The following ZNF207 variants were observed in gnomAD, a reference collection of about 807,000 sequenced individuals.
The protein encoded by ZNF207 is zinc finger protein 207.
ZNF207 carries 24 observed loss-of-function variants against 60.2 expected under a neutral mutation model. That is an observed-to-expected ratio of 0.40 (90% confidence interval 0.29 to 0.56). The LOEUF is 0.56. Among genes scored for constraint, ZNF207 ranks in the 20% least tolerant of loss-of-function variants. ZNF207 has a pLI of 0.49. For synonymous variants in ZNF207, 236 were observed against 194.7 expected (o/e 1.21, Z -1.77); for missense variants, 452 against 636.6 (o/e 0.71, Z 3.12).
chr17:32,350,160 G>T lies in ZNF207; in HGVS notation c.-126G>T, dbSNP rs781475687. The T allele has an allele frequency of 6.7e-7, 1 of 1,489,808 alleles. No individual in the cohort carries two copies. The allele number at this position is 1,489,808 out of a possible 1,614,324, so 92.3% of individuals were successfully genotyped here. On this transcript the variant is annotated 5_prime_UTR_variant, in exon 1 of 12. Transcript: ENST00000394670. Reference sequence around the variant, plus strand: ...AGGCGGAGCGGGGAACGAGGCCGTCGGCCATTTTGTGTCTGCTTCCTGTGG... The same window carrying T: ...AGGCGGAGCGGGGAACGAGGCCGTCTGCCATTTTGTGTCTGCTTCCTGTGG...
intron 10 of ZNF207, chr17:32,368,803 C>G (rs1447702037): frequency 2.0e-5 from 3 of 153,536 alleles, no homozygotes; most frequent in African/African-American, 7.3e-5. Flanking sequence ...GTCGGGAGTT[C>G]GAGACCAGCC....
At chr17:32,369,514 T>C (rs1905368758) in intron 11 of ZNF207, 60 bp downstream of exon 11, 2 of 1,602,980 alleles carry the variant, frequency 1.2e-6, no homozygotes, top group Admixed American at 1.7e-5. Context: ...GCATAAAATA[T>C]TAAATTTATC....
At chr17:32,369,270 G>C (rs1273759064) in intron 10 of ZNF207, 25 bp from the exon 11 acceptor site, 1 of 1,611,430 alleles carries the variant, frequency 6.2e-7, no homozygotes. Flanking sequence ...CGAGTATTTA[G>C]CCCTGCGCTT....
intron 2 of ZNF207, among the ~76,000 whole-genome samples, chr17:32,354,721 C>T (rs540405836): frequency 9.2e-5 from 14 of 152,206 alleles, no homozygotes; most frequent in Middle Eastern, 6.8e-3. Context: ...TCAAGCAATT[C>T]TCCTGCCTCA....
intron 7 of ZNF207, among the ~76,000 whole-genome samples, chr17:32,364,121 C>T (rs564215340): frequency 6.6e-6 from 1 of 151,972 alleles, no homozygotes; most frequent in Non-Finnish European, 1.5e-5. Flanking sequence ...CAGCCGCAGC[C>T]TCCCAAAGTG....
In ZNF207 at chr17:32,369,292, C is replaced by G; in HGVS notation, c.1165-3C>G. ...TTAGCCCTGCGCTTATTTTTATTCC[C>G]AGGAAGAGAGAAGGGCACAGTTACC... is the stretch of plus-strand genomic sequence containing the variant. On this transcript the variant is annotated splice_region_variant and splice_polypyrimidine_tract_variant and intron_variant, in intron 10 of 11. Transcript: ENST00000394670. 1.2e-6 allele frequency: 2 copies of G among 1,613,522 alleles called. No homozygotes were observed. The highest frequency in any genetic ancestry group is 1.7e-6 in the Non-Finnish European group (2 of 1,179,734).
At chr17:32,368,347 A>C in intron 10 of ZNF207, 1 of 267,636 alleles carries the variant, frequency 3.7e-6, no homozygotes, top group East Asian at 8.8e-5. Flanking sequence ...GTGAAGTAGA[A>C]TCTGCAGATC....
intron 6 of ZNF207, chr17:32,362,619 T>G: frequency 4.1e-6 from 1 of 244,832 alleles, no homozygotes; most frequent in Non-Finnish European, 7.7e-6. Context: ...ATTACACATA[T>G]TTTAGATGAG....
At chr17:32,351,571 T>TG in intron 1 of ZNF207, 2 of 1,533,394 alleles carry the variant, frequency 1.3e-6, no homozygotes, top group South Asian at 1.2e-5. Flanking sequence ...ATGTGTTTTT[T>TG]GGGGTGGTGA....
At chr17:32,357,382 T>C (rs1904597220) in intron 2 of ZNF207, among the ~76,000 whole-genome samples, 1 of 143,850 alleles carries the variant, frequency 7.0e-6, no homozygotes, top group Admixed American at 7.1e-5. Flanking sequence ...AGAATCTCGC[T>C]CTCTTGCCCA....
rs1000430204 is a variant in ZNF207 at position 32,368,243 on chromosome 17, T to C, written c.1164+229T>C. 7.0e-6 allele frequency: 4 copies of C among 569,216 alleles called. No individual in the cohort carries two copies. In the African/African-American group the frequency reaches 7.5e-5, roughly 11 times the overall value. 35.3% of individuals were successfully genotyped at this position (569,216 alleles called of 1,614,324 possible). A position where few individuals can be genotyped will look rare whatever the true frequency, so the allele number is the denominator to read the frequency against. On this transcript the variant is annotated intron_variant, in intron 10 of 11. Coordinates refer to ENST00000394670, the MANE Select transcript of ZNF207 (RefSeq NM_001098507.2). ...TTCTCTCCCCTTCCTCCAGACTGTT[T>C]CTAAAAGAAGACAGTAAGTCAGGTT...
intron 2 of ZNF207, among the ~76,000 whole-genome samples, chr17:32,354,675 G>A (rs867749012): frequency 1.3e-5 from 2 of 151,862 alleles, no homozygotes; most frequent in Non-Finnish European, 2.9e-5. Flanking sequence ...TGCAGTGGGC[G>A]TGATCTCGGC....
intron 2 of ZNF207, among the ~76,000 whole-genome samples, chr17:32,357,193 A>AG (rs1319031374): frequency 6.6e-6 from 1 of 151,514 alleles, no homozygotes; most frequent in African/African-American, 2.4e-5. Context: ...AAAAAAAAAA[A>AG]AAGTAAAATG....
chr17:32,363,806 C>T (rs1597783386), intron 7 of ZNF207, among the ~76,000 whole-genome samples: 3 of 152,176 alleles, frequency 2.0e-5, no homozygotes, highest in African/African-American at 4.8e-5. Flanking sequence ...GCTGGGATTA[C>T]AGGCGTGAGC....
intron 2 of ZNF207, among the ~76,000 whole-genome samples, chr17:32,358,073 C>G (rs1293543319): frequency 1.3e-5 from 2 of 152,194 alleles, no homozygotes; most frequent in African/African-American, 4.8e-5. Flanking sequence ...AGCCACCTCG[C>G]CTGGCTATAT....
chr17:32,361,865 G>C (rs561858916), intron 6 of ZNF207, among the ~76,000 whole-genome samples: 1 of 152,196 alleles, frequency 6.6e-6, no homozygotes, highest in Admixed American at 6.5e-5. Context: ...ATTAATAGAA[G>C]TTAATCTTCT....
Position 32,381,713 on chromosome 17 carries a change from T to C in ZNF207, c.*11954T>C, listed in dbSNP as rs1264412247. 1 of 152,216 alleles carries C rather than the reference T, an allele frequency of 6.6e-6. No homozygotes were observed. Among genetic ancestry groups the C allele is most frequent in the African/African-American group, 2.4e-5 (1 of 41,458 alleles). 9.4% of individuals were successfully genotyped at this position (152,216 alleles called of 1,614,324 possible). The stretch of plus-strand genomic sequence containing the variant: ...TTTGAAAAATGGTGCTTTATTTCCA[T>C]ATCTGAAGCCTGAAGTTATTTTTTA... On this transcript the variant is annotated 3_prime_UTR_variant, in exon 12 of 12. Transcript: ENST00000394670.
chr17:32,356,765 G>A (rs971662104), intron 2 of ZNF207, among the ~76,000 whole-genome samples: 6 of 152,118 alleles, frequency 3.9e-5, no homozygotes, highest in African/African-American at 1.4e-4. Flanking sequence ...AAGAAACCAA[G>A]ACTGGCAGGG....
intron 2 of ZNF207, 147 bp downstream of exon 2, chr17:32,352,059 T>C (rs2041517911): frequency 4.1e-6 from 3 of 724,716 alleles, no homozygotes; most frequent in African/African-American, 1.8e-5. Flanking sequence ...CCTCTGCCTC[T>C]CGGGTTCAAG....
Sources: allele counts gnomAD v4.1 joint callset (sites outside exome capture counted in the v4.1 genomes callset), GRCh38; gene constraint gnomAD v4.1.1; transcripts MANE v1.5; gene names NCBI Gene and HGNC (gene_info 2026-07-23, HGNC 2026-07-21).